Variants in CREBRF observed in about 807,000 individuals in gnomAD.
CREBRF encodes UPF0474 protein C5orf41.
CREBRF carries 5 observed loss-of-function variants against 66.1 expected under a neutral mutation model. The observed-to-expected ratio is 0.08, with a 90% confidence interval of 0.04 to 0.16. The LOEUF (loss-of-function observed/expected upper bound fraction) is 0.16, where lower values mean the gene tolerates loss of function less well. Among genes scored for constraint, CREBRF ranks in the 10% least tolerant of loss-of-function variants. CREBRF has a pLI of 1.00. For synonymous variants in CREBRF, 229 were observed against 264.4 expected, an observed-to-expected ratio of 0.87 and a Z score of 1.30; for missense variants, 531 against 744.9, an observed-to-expected ratio of 0.71 and a Z score of 3.34.
At chr5:173,065,668 CTT>C (rs745391126) in intron 1 of CREBRF, among the ~76,000 whole-genome samples, 20 of 127,104 alleles carry the variant, frequency 1.6e-4, no homozygotes, top group East Asian at 2.8e-4. Context: ...TCTTCTTCTT[CTT>C]TTTTTTTTTT....
chr5:173,096,256 A>C (rs1221160137), intron 4 of CREBRF, among the ~76,000 whole-genome samples: 1 of 152,178 alleles, frequency 6.6e-6, no homozygotes, highest in Non-Finnish European at 1.5e-5. Context: ...GGCGTGAGCC[A>C]CTGCGCCCAG....
At chr5:173,106,900 C>G (rs1228261291) in intron 4 of CREBRF, among the ~76,000 whole-genome samples, 1 of 152,156 alleles carries the variant, frequency 6.6e-6, no homozygotes, top group South Asian at 2.1e-4. Flanking sequence ...CAGGCACCCA[C>G]CACCATGCCC....
intron 8 of CREBRF, among the ~76,000 whole-genome samples, chr5:173,131,149 A>AAT (rs1759414361): frequency 6.6e-6 from 1 of 152,208 alleles, no homozygotes. Flanking sequence ...ACCAGTTGTT[A>AAT]ATATTTTGCT....
At chr5:173,106,452 G>A (rs997548717) in intron 4 of CREBRF, among the ~76,000 whole-genome samples, 2 of 151,892 alleles carry the variant, frequency 1.3e-5, no homozygotes, top group Non-Finnish European at 2.9e-5. Context: ...AGAGCCTAAG[G>A]GTCACCATCA....
intron 2 of CREBRF, chr5:173,085,737 C>G (rs1758127671): frequency 1.3e-6 from 1 of 767,386 alleles, no homozygotes; most frequent in African/African-American, 1.7e-5. Flanking sequence ...TTCTTTAGGC[C>G]TTTCTGTGTG....
Position 173,112,384 on chromosome 5 carries a change from A to G in CREBRF, c.1681+5A>G. On this transcript the variant is annotated splice_donor_5th_base_variant and intron_variant, in intron 7 of 8. Transcript: ENST00000296953. ...GGGGCCTCAACACAGAATATGGTAAACCTAAAGTTTTAAGAAGTTGATTAA... is the reference window on the plus strand; with the variant it reads ...GGGGCCTCAACACAGAATATGGTAAGCCTAAAGTTTTAAGAAGTTGATTAA... 1 of 1,564,660 alleles carries G rather than the reference A, an allele frequency of 6.4e-7. No individual in the cohort carries two copies. Among genetic ancestry groups the G allele is most frequent in the Non-Finnish European group, 8.7e-7 (1 of 1,150,408 alleles).
rs570240190 is a variant in CREBRF, at chr5:173,126,216, C to A, written c.1804+3014C>A. On this transcript the variant is annotated intron_variant, in intron 8 of 8. Transcript: ENST00000296953. ...AGTGCAGTGGCGTGATCTTGGCTCCCTGCAGCCTCTGCCTCCCAGGTTCAA... is the reference window on the plus strand; with the variant it reads ...AGTGCAGTGGCGTGATCTTGGCTCCATGCAGCCTCTGCCTCCCAGGTTCAA... Among the ~76,000 whole-genome samples, 17 of 152,226 alleles carry A rather than the reference C, an allele frequency of 1.1e-4. No individual in the cohort carries two copies. In the South Asian group the frequency reaches 1.7e-3, roughly 15 times the overall value.
Position 173,110,730 on chromosome 5 carries a change from C to A in CREBRF, c.1607+19C>A. 1 of 1,590,602 alleles carries A rather than the reference C, an allele frequency of 6.3e-7. No individual in the cohort carries two copies. Among genetic ancestry groups the A allele is most frequent in the South Asian group, 1.2e-5 (1 of 86,726 alleles). On this transcript the variant is annotated intron_variant, in intron 6 of 8. Coordinates refer to ENST00000296953, the MANE Select transcript of CREBRF (RefSeq NM_153607.3). ...CTTCCAGGTAAATGCTAATAATGTTCACTCATGTGAAGAAAGTTTAGGAGG... is the reference window on the plus strand; with the variant it reads ...CTTCCAGGTAAATGCTAATAATGTTAACTCATGTGAAGAAAGTTTAGGAGG...
At chr5:173,129,656 T>C (rs1477842580) in intron 8 of CREBRF, among the ~76,000 whole-genome samples, 2 of 144,140 alleles carry the variant, frequency 1.4e-5, no homozygotes, top group Admixed American at 1.5e-4. Context: ...GCCCAGGAGA[T>C]GGAGGCTGCA....
At chr5:173,091,959 T>G in intron 4 of CREBRF, 1 of 260,404 alleles carries the variant, frequency 3.8e-6, no homozygotes, top group Non-Finnish European at 6.0e-6. Context: ...CACGCATCTG[T>G]AATCCCAGCT....
chr5:173,127,397 G>A (rs927838504), intron 8 of CREBRF, among the ~76,000 whole-genome samples: 4 of 150,012 alleles, frequency 2.7e-5, no homozygotes, highest in African/African-American at 4.9e-5. Context: ...TGATCTTCCC[G>A]CCTCAGCCTC....
At chr5:173,109,648 A>C (rs1256286286) in intron 5 of CREBRF, 1 of 152,164 alleles carries the variant, frequency 6.6e-6, no homozygotes. Flanking sequence ...TTACTGAAAA[A>C]AGTGGGGAGG....
At chr5:173,097,481 T>G (rs1033225617) in intron 4 of CREBRF, among the ~76,000 whole-genome samples, 1 of 152,072 alleles carries the variant, frequency 6.6e-6, no homozygotes, top group African/African-American at 2.4e-5. Flanking sequence ...CTGACCTCAG[T>G]TGATCTGCCC....
chr5:173,058,286 A>G (rs1437643711), intron 1 of CREBRF, among the ~76,000 whole-genome samples: 1 of 152,160 alleles, frequency 6.6e-6, no homozygotes, highest in East Asian at 1.9e-4. Flanking sequence ...TTTACATCGG[A>G]TTACAACCTG....
At chr5:173,076,701 A>T (rs1757774577) in intron 1 of CREBRF, among the ~76,000 whole-genome samples, 2 of 148,070 alleles carry the variant, frequency 1.4e-5, no homozygotes, top group African/African-American at 5.0e-5. Context: ...GGTTGCAGTG[A>T]GCTGAGATTG....
chr5:173,117,065 AT>A (rs1242091618), intron 7 of CREBRF, among the ~76,000 whole-genome samples: 2 of 152,110 alleles, frequency 1.3e-5, no homozygotes, highest in African/African-American at 4.8e-5. Flanking sequence ...ATTTAAAAAA[AT>A]TGGTTTCTCT....
chr5:173,076,749 CAA>C (rs1202344075), intron 1 of CREBRF, among the ~76,000 whole-genome samples: 78 of 92,420 alleles, frequency 8.4e-4, no homozygotes, highest in Middle Eastern at 5.4e-3. Context: ...CAGTCAGTCT[CAA>C]AAAAAAAAAA....
intron 2 of CREBRF, among the ~76,000 whole-genome samples, chr5:173,082,003 G>GTTTTTTTTTTTTTTTTTTTTTTTTTT (rs869148787): frequency 1.3e-5 from 1 of 78,044 alleles, no homozygotes; most frequent in African/African-American, 4.9e-5. Flanking sequence ...TCAAGGTTTA[G>GTTTTTTTTTTTTTTTTTTTTTTTTTT]TTTTTTTTTT....
At chr5:173,073,990 A>AATAAATAAATAC (rs1757674654) in intron 1 of CREBRF, among the ~76,000 whole-genome samples, 2 of 151,302 alleles carry the variant, frequency 1.3e-5, no homozygotes, top group African/African-American at 4.8e-5. Flanking sequence ...AAAATAAATA[A>AATAAATAAATAC]ATAAATAAAT....
Sources: allele counts gnomAD v4.1 joint callset (sites outside exome capture counted in the v4.1 genomes callset), GRCh38; gene constraint gnomAD v4.1.1; transcripts MANE v1.5; gene names NCBI Gene and HGNC (gene_info 2026-07-23, HGNC 2026-07-21).